Variants in XRCC4 observed in about 807,000 individuals in gnomAD.
XRCC4 encodes the protein DNA repair protein XRCC4.
In XRCC4, 28 loss-of-function variants were observed where a neutral mutation model predicts 39.1. That is an observed-to-expected ratio of 0.72 (90% CI 0.53 to 0.98). The LOEUF (loss-of-function observed/expected upper bound fraction) is 0.98, where lower values mean the gene tolerates loss of function less well. XRCC4 is among the 50% of genes least tolerant of loss of function. The probability of loss-of-function intolerance (pLI) is 0.00; values close to 1 mark genes in which losing one functional copy is unlikely to be tolerated. For synonymous variants in XRCC4, 123 were observed against 126.4 expected (o/e 0.97, Z 0.18); for missense variants, 350 against 376.4 (o/e 0.93, Z 0.58).
chr5:83,263,195 T>C (rs1315159077), intron 7 of XRCC4, among the ~76,000 whole-genome samples: 2 of 150,776 alleles, frequency 1.3e-5, no homozygotes, highest in Admixed American at 1.3e-4. Context: ...TATGGCTGCA[T>C]AGTATTCCAT....
chr5:83,086,035 T>C (rs978237119), intron 1 of XRCC4, among the ~76,000 whole-genome samples: 2 of 152,214 alleles, frequency 1.3e-5, no homozygotes, highest in East Asian at 1.9e-4. Flanking sequence ...ACGACAGTCC[T>C]AAAACAATCT....
intron 3 of XRCC4, among the ~76,000 whole-genome samples, chr5:83,186,144 A>G (rs1750427999): frequency 6.6e-6 from 1 of 152,210 alleles, no homozygotes; most frequent in African/African-American, 2.4e-5. Flanking sequence ...TTGTTTCTCA[A>G]TACTTGTACT....
intron 7 of XRCC4, among the ~76,000 whole-genome samples, chr5:83,326,985 C>T (rs1337725848): frequency 1.3e-5 from 2 of 152,010 alleles, no homozygotes; most frequent in Non-Finnish European, 2.9e-5. Context: ...GATAAAAGCT[C>T]ATCATGAATA....
intron 3 of XRCC4, among the ~76,000 whole-genome samples, chr5:83,151,897 G>A (rs1218746917): frequency 6.6e-6 from 1 of 152,158 alleles, no homozygotes; most frequent in East Asian, 1.9e-4. Flanking sequence ...TCAATACTAT[G>A]CTTCATTAAA....
In XRCC4 at chr5:83,153,604, A is replaced by C. The variant is rs143633586; in HGVS notation, c.316-42166A>C. On this transcript the variant is annotated intron_variant, in intron 3 of 7. Coordinates refer to ENST00000396027, the MANE Select transcript of XRCC4 (RefSeq NM_003401.5). ...AGCCATCAGTGCGCACCTTCCTATC[A>C]GAATGACTAAAATGAAAAATAGTGA... Among the ~76,000 whole-genome samples, 63 of 152,358 alleles carry C rather than the reference A, an allele frequency of 4.1e-4. No individual in the cohort carries two copies. The East Asian group carries it at 8.7e-3, about 21-fold the overall frequency.
At chr5:83,315,187 A>C (rs191023206) in intron 7 of XRCC4, among the ~76,000 whole-genome samples, 1 of 152,234 alleles carries the variant, frequency 6.6e-6, no homozygotes, top group Non-Finnish European at 1.5e-5. Context: ...CAGCCCCAAA[A>C]TTCCTATAAA....
At chr5:83,128,579 A>C (rs145451943) in intron 3 of XRCC4, among the ~76,000 whole-genome samples, 2,270 of 152,208 alleles carry the variant, frequency 0.015, 48 homozygotes, top group East Asian at 0.073. Context: ...AACTAGTTTA[A>C]AGTCCCACCA....
intron 6 of XRCC4, among the ~76,000 whole-genome samples, chr5:83,212,944 C>A (rs1248698170): frequency 2.8e-5 from 4 of 140,670 alleles, no homozygotes; most frequent in South Asian, 2.3e-4. Context: ...AAAAAAAACA[C>A]CAAAATAAAA....
intron 7 of XRCC4, among the ~76,000 whole-genome samples, chr5:83,348,086 C>T (rs186841389): frequency 6.6e-6 from 1 of 152,292 alleles, no homozygotes; most frequent in East Asian, 1.9e-4. Context: ...CCCTGTGGCT[C>T]TCCAGGGTAC....
chr5:83,078,481 A>G (rs1315746706), intron 1 of XRCC4, among the ~76,000 whole-genome samples: 3 of 152,220 alleles, frequency 2.0e-5, no homozygotes, highest in Non-Finnish European at 4.4e-5. Flanking sequence ...ATAGAGAGAA[A>G]GAGAGAAGGT....
intron 1 of XRCC4, among the ~76,000 whole-genome samples, chr5:83,080,614 C>T (rs1381135215): frequency 1.3e-5 from 2 of 152,074 alleles, no homozygotes; most frequent in Non-Finnish European, 2.9e-5. Context: ...TCCATCCTAT[C>T]CCATTCAGCC....
chr5:83,341,673 A>G (rs936936736), intron 7 of XRCC4, among the ~76,000 whole-genome samples: 12 of 152,224 alleles, frequency 7.9e-5, no homozygotes, highest in Admixed American at 4.6e-4. Flanking sequence ...TCCCATTAGA[A>G]TGGCCTAGTG....
chr5:83,219,407 A>G (rs1440387837), intron 6 of XRCC4, among the ~76,000 whole-genome samples: 1 of 152,180 alleles, frequency 6.6e-6, no homozygotes, highest in Non-Finnish European at 1.5e-5. Context: ...GCTGTTTTCA[A>G]AAGGGACCAT....
intron 1 of XRCC4, among the ~76,000 whole-genome samples, chr5:83,088,893 C>T (rs552238484): frequency 8.5e-5 from 13 of 152,050 alleles, no homozygotes; most frequent in Non-Finnish European, 1.9e-4. Context: ...TGATTTAGTG[C>T]TATTTCAGAA....
chr5:83,324,085 G>A (rs1319099149), intron 7 of XRCC4, among the ~76,000 whole-genome samples: 2 of 151,966 alleles, frequency 1.3e-5, no homozygotes, highest in South Asian at 2.1e-4. Flanking sequence ...GACAATTTTT[G>A]TTAGAGCTTT....
At chr5:83,326,376 A>G (rs1473462135) in intron 7 of XRCC4, among the ~76,000 whole-genome samples, 1 of 151,904 alleles carries the variant, frequency 6.6e-6, no homozygotes, top group African/African-American at 2.4e-5. Context: ...TAGGATTTTT[A>G]TAGTTTTTGG....
chr5:83,289,799 C>T (rs1754854399), intron 7 of XRCC4, among the ~76,000 whole-genome samples: 1 of 151,708 alleles, frequency 6.6e-6, no homozygotes, highest in African/African-American at 2.4e-5. Flanking sequence ...ATAGGGTTCA[C>T]TTCTTTCCTA....
At chr5:83,199,979 C>T (rs1751114563) in intron 4 of XRCC4, among the ~76,000 whole-genome samples, 1 of 152,066 alleles carries the variant, frequency 6.6e-6, no homozygotes. Flanking sequence ...TCTAGTTGTA[C>T]ATGGGCTTTT....
In XRCC4 at chr5:83,116,608, C is replaced by CTT. The variant is rs559079642; in HGVS notation, c.315+5435_315+5436dup. On this transcript the variant is annotated intron_variant, in intron 3 of 7. Coordinates refer to ENST00000396027, the MANE Select transcript of XRCC4 (RefSeq NM_003401.5). ...GAAAGAATTACCAGTTTCTCTCTCT[C>CTT]TTTTTTTTTTTTTTTTTTTTTTTTT... is the stretch of plus-strand genomic sequence containing the variant. Among the ~76,000 whole-genome samples the CTT allele has an allele frequency of 3.7e-3, 377 of 103,010 alleles. 1 individual carries two copies. The highest frequency in any genetic ancestry group is 5.4e-3 in the Non-Finnish European group (283 of 52,372). The allele number at this position is 103,010 out of a possible 152,430, so 67.6% of individuals were successfully genotyped here. A position where few individuals can be genotyped will look rare whatever the true frequency, so the allele number is the denominator to read the frequency against.
Sources: gnomAD v4.1 joint callset for allele counts (sites outside exome capture counted in the v4.1 genomes callset) on GRCh38, gnomAD v4.1.1 for gene constraint, MANE v1.5 for transcripts, NCBI Gene and HGNC (gene_info 2026-07-23, HGNC 2026-07-21) for gene names.